Variants in NDUFA5 observed in about 807,000 individuals in gnomAD.
NDUFA5 encodes the protein NADH:ubiquinone oxidoreductase subunit A5.
NDUFA5 carries 11 observed loss-of-function variants against 19.8 expected under a neutral mutation model. The observed-to-expected ratio is 0.56, with a 90% CI of 0.35 to 0.92. The LOEUF (loss-of-function observed/expected upper bound fraction) is 0.92. Ranked by LOEUF, NDUFA5 falls within the 40% of genes least tolerant of loss-of-function variation. The pLI is 0.01. For synonymous variants in NDUFA5, 47 were observed against 46.8 expected (o/e 1.00, Z -0.01); for missense variants, 109 against 134.2 (o/e 0.81, Z 0.93).
chr7:123,565,735 G>T, the NDUFA5 span, among the ~76,000 whole-genome samples: 1 of 152,184 alleles, frequency 6.6e-6, no homozygotes, highest in African/African-American at 2.4e-5. Flanking sequence ...ACAAAAGTTA[G>T]CCGGGCGCAG....
chr7:123,577,821 T>C, the NDUFA5 span, among the ~76,000 whole-genome samples: 1 of 152,174 alleles, frequency 6.6e-6, no homozygotes, highest in Non-Finnish European at 1.5e-5. Flanking sequence ...AAAGACATTC[T>C]AGACATCATG....
the NDUFA5 span, among the ~76,000 whole-genome samples, chr7:123,593,088 G>A: frequency 3.3e-5 from 5 of 151,972 alleles, no homozygotes; most frequent in African/African-American, 7.2e-5. Flanking sequence ...GACCAGGATT[G>A]CAGCCCCTGC....
intron 3 of NDUFA5, chr7:123,546,933 T>C: frequency 2.6e-6 from 1 of 380,050 alleles, no homozygotes; most frequent in South Asian, 2.0e-5. Flanking sequence ...ATGGGGAGAT[T>C]TTCCTGAATT....
chr7:123,584,875 C>T, the NDUFA5 span: 1 of 151,766 alleles, frequency 6.6e-6, no homozygotes, highest in Non-Finnish European at 1.5e-5. Flanking sequence ...GGGTGAGAGT[C>T]AATATTTTAA....
At chr7:123,593,221 A>G in the NDUFA5 span, among the ~76,000 whole-genome samples, 1 of 151,822 alleles carries the variant, frequency 6.6e-6, no homozygotes, top group African/African-American at 2.4e-5. Context: ...TTGACTTTTT[A>G]TCCAATTTGC....
the NDUFA5 span, among the ~76,000 whole-genome samples, chr7:123,592,700 T>A: frequency 6.6e-6 from 1 of 152,162 alleles, no homozygotes; most frequent in Admixed American, 6.6e-5. Flanking sequence ...GTGTTTTACT[T>A]CCAATTTTTT....
chr7:123,594,299 C>T, the NDUFA5 span, among the ~76,000 whole-genome samples: 32 of 152,238 alleles, frequency 2.1e-4, no homozygotes, highest in Non-Finnish European at 4.0e-4. Context: ...CAAACTCATT[C>T]TCTGTCCAGT....
At chr7:123,550,923 T>C (rs957883241) in intron 2 of NDUFA5, among the ~76,000 whole-genome samples, 21 of 152,176 alleles carry the variant, frequency 1.4e-4, no homozygotes, top group African/African-American at 5.1e-4. Context: ...CAAATCAGTA[T>C]TTTTCTTTCT....
Position 123,550,559 on chromosome 7 carries a change from G to C in NDUFA5, c.94C>G (p.Leu32Val). 1 of 1,606,936 alleles carries C rather than the reference G, an allele frequency of 6.2e-7. No individual in the cohort carries two copies. The highest frequency in any genetic ancestry group is 8.5e-7 in the Non-Finnish European group (1 of 1,174,626). ...TTAGGGATTTCCTCAAGAACATCAA[G>C]AATCTTTGTGTACAATATTCTTAGC... ...ERLRILYTKI[L>V]DVLEEIPKNA... The change falls in exon 3 of 5, where the codon CTT becomes GTT. Residue 32 changes from leucine (L) to valine (V), a missense_variant. By Grantham distance (32) the Leu-to-Val change is conservative. Coordinates refer to ENST00000355749, the MANE Select transcript of NDUFA5 (RefSeq NM_005000.5).
Position 123,538,151 on chromosome 7 carries a change from A to G in NDUFA5, c.*3968T>C, listed in dbSNP as rs573816533. 1 of 152,042 alleles carries G rather than the reference A, an allele frequency of 6.6e-6. No homozygotes were observed. The highest frequency in any genetic ancestry group is 1.5e-5 in the Non-Finnish European group (1 of 68,000). The allele number at this position is 152,042 out of a possible 1,614,324, so 9.4% of individuals were successfully genotyped here. A position where few individuals can be genotyped will look rare whatever the true frequency, so the allele number is the denominator to read the frequency against. ...CATGTTCCAATTCCCCACCACCACT[A>G]TGGTCATGGAAATATATGTTGATGG... On this transcript the variant is annotated 3_prime_UTR_variant, in exon 5 of 5. Transcript: ENST00000355749.
chr7:123,572,614 T>C, the NDUFA5 span, among the ~76,000 whole-genome samples: 1 of 152,190 alleles, frequency 6.6e-6, no homozygotes, highest in African/African-American at 2.4e-5. Context: ...TCCTTATTAA[T>C]GCTTTTTCTT....
the NDUFA5 span, among the ~76,000 whole-genome samples, chr7:123,564,746 A>G: frequency 3.3e-5 from 5 of 152,176 alleles, no homozygotes; most frequent in Admixed American, 2.0e-4. Flanking sequence ...GTCAAGAAAC[A>G]TCTGGACTTA....
chr7:123,588,989 A>T, the NDUFA5 span, among the ~76,000 whole-genome samples: 1 of 151,798 alleles, frequency 6.6e-6, no homozygotes, highest in South Asian at 2.1e-4. Context: ...GCCTAACATG[A>T]TCTATCCTGG....
the NDUFA5 span, among the ~76,000 whole-genome samples, chr7:123,601,218 T>G: frequency 1.3e-5 from 2 of 152,298 alleles, no homozygotes; most frequent in South Asian, 4.1e-4. Flanking sequence ...GAAAACAACC[T>G]TCCTCAATTA....
At chr7:123,572,415 A>G in the NDUFA5 span, among the ~76,000 whole-genome samples, 2 of 152,034 alleles carry the variant, frequency 1.3e-5, no homozygotes, top group Non-Finnish European at 2.9e-5. Flanking sequence ...CTGGGATTAC[A>G]GGCACGAGCC....
chr7:123,550,350 G>T, intron 3 of NDUFA5, 120 bp downstream of exon 3: 1 of 674,594 alleles, frequency 1.5e-6, no homozygotes, highest in Non-Finnish European at 2.6e-6. Context: ...AGGAATGATG[G>T]GAAAAGAGCA....
At chr7:123,545,005 C>T (rs192243673) in intron 4 of NDUFA5, among the ~76,000 whole-genome samples, 1,609 of 151,674 alleles carry the variant, frequency 0.011, 16 homozygotes, top group Non-Finnish European at 0.014. Context: ...AGAAAATTTC[C>T]CAATAGAATA....
chr7:123,592,800 T>A, the NDUFA5 span, among the ~76,000 whole-genome samples: 1 of 150,348 alleles, frequency 6.7e-6, no homozygotes, highest in Non-Finnish European at 1.5e-5. Flanking sequence ...GTGCATTACG[T>A]CTGAATTCAA....
At chr7:123,548,302 G>A (rs1279120763) in intron 3 of NDUFA5, among the ~76,000 whole-genome samples, 1 of 152,134 alleles carries the variant, frequency 6.6e-6, no homozygotes, top group Non-Finnish European at 1.5e-5. Context: ...ACATTTCTAA[G>A]GAACCTTATG....
Sources: allele counts gnomAD v4.1 joint callset (sites outside exome capture counted in the v4.1 genomes callset), GRCh38; gene constraint gnomAD v4.1.1; transcripts MANE v1.5; gene names NCBI Gene and HGNC (gene_info 2026-07-23, HGNC 2026-07-21).